NRG1: variants seen among roughly 807,000 people sequenced by gnomAD.
The protein encoded by NRG1 is pro-neuregulin-1, membrane-bound isoform.
NRG1 carries 18 observed loss-of-function variants against 63.8 expected under a neutral mutation model. The observed-to-expected ratio is 0.28, with a 90% confidence interval of 0.19 to 0.42. The LOEUF (loss-of-function observed/expected upper bound fraction) is 0.42, where lower values mean the gene tolerates loss of function less well. Ranked by LOEUF, NRG1 falls within the 10% of genes least tolerant of loss-of-function variation. NRG1 has a pLI of 1.00. For synonymous variants in NRG1, 302 were observed against 301.3 expected, an observed-to-expected ratio of 1.00 and a Z score of -0.02; for missense variants, 762 against 814.7, an observed-to-expected ratio of 0.94 and a Z score of 0.79.
intron 1 of NRG1, among the ~76,000 whole-genome samples, chr8:32,055,809 C>G (rs1452746692): frequency 6.6e-6 from 1 of 152,002 alleles, no homozygotes; most frequent in Non-Finnish European, 1.5e-5. Context: ...GATAGAGCCC[C>G]CTTGGTGGTG....
intron 1 of NRG1, among the ~76,000 whole-genome samples, chr8:31,970,992 C>G (rs370565323): frequency 2.2e-4 from 34 of 151,548 alleles, no homozygotes; most frequent in African/African-American, 8.0e-4. Context: ...TGCAGTGAGC[C>G]GAGATGGCAC....
intron 5 of NRG1, among the ~76,000 whole-genome samples, chr8:32,677,455 G>C (rs1025517774): frequency 1.3e-5 from 2 of 152,048 alleles, no homozygotes; most frequent in Non-Finnish European, 2.9e-5. Flanking sequence ...TCAGGAGTTT[G>C]AGACCAGCCT....
intron 1 of NRG1, among the ~76,000 whole-genome samples, chr8:32,378,666 C>T (rs748060580): frequency 3.8e-4 from 58 of 152,026 alleles, no homozygotes; most frequent in Admixed American, 7.2e-4. Context: ...ATGTGCACAA[C>T]GTGCAGGTTA....
intron 8 of NRG1, 27 bp from the exon 9 acceptor site, chr8:32,756,376 A>C (rs747213441): frequency 6.2e-7 from 1 of 1,600,180 alleles, no homozygotes; most frequent in East Asian, 2.2e-5. Flanking sequence ...ATCAAAAAAA[A>C]ATAAATGCTC....
rs1587986931 is a variant in NRG1, at chr8:32,498,678, A to T, written c.38-97150A>T. 3.9e-5 allele frequency among the ~76,000 whole-genome samples: 6 copies of T among 152,310 alleles called. No homozygotes were observed. The East Asian group carries it at 1.2e-3, about 29-fold the overall frequency. The stretch of plus-strand genomic sequence containing the variant: ...CAAGATGAGATTTGGGTGGGGACAC[A>T]GCCAAACCATATCAGAAGGTAAGGC... On this transcript the variant is annotated intron_variant, in intron 1 of 10. Transcript: ENST00000519301.
chr8:31,793,163 A>G (rs552604757), intron 1 of NRG1, among the ~76,000 whole-genome samples: 8 of 152,254 alleles, frequency 5.3e-5, no homozygotes, highest in East Asian at 1.9e-4. Context: ...TGTTTTTTCA[A>G]AATGTAAGGA....
At chr8:32,009,057 AC>A (rs1428442279) in intron 1 of NRG1, among the ~76,000 whole-genome samples, 3 of 152,022 alleles carry the variant, frequency 2.0e-5, no homozygotes, top group Non-Finnish European at 2.9e-5. Flanking sequence ...AAATATGGTG[AC>A]CTTAGTCACA....
intron 1 of NRG1, among the ~76,000 whole-genome samples, chr8:32,116,910 G>T (rs958131863): frequency 3.3e-5 from 5 of 149,440 alleles, no homozygotes; most frequent in African/African-American, 1.2e-4. Context: ...GAGAAGCCGA[G>T]GTAGGATGAT....
intron 1 of NRG1, among the ~76,000 whole-genome samples, chr8:32,075,962 C>T (rs748188327): frequency 1.1e-4 from 17 of 152,342 alleles, no homozygotes; most frequent in East Asian, 7.7e-4. Flanking sequence ...CATGAACCAC[C>T]GCGCTCGGCC....
intron 1 of NRG1, among the ~76,000 whole-genome samples, chr8:31,955,433 C>T (rs1804205598): frequency 6.6e-6 from 1 of 152,204 alleles, no homozygotes; most frequent in African/African-American, 2.4e-5. Flanking sequence ...GACCAGAAAA[C>T]ATTCTAGAGC....
intron 10 of NRG1, 48 bp from the exon 11 acceptor site, chr8:32,760,152 A>G (rs1435645241): frequency 6.2e-6 from 10 of 1,604,238 alleles, no homozygotes; most frequent in Non-Finnish European, 7.7e-6. Flanking sequence ...TTTTTTGCAT[A>G]TAATTTTTGC....
intron 1 of NRG1, among the ~76,000 whole-genome samples, chr8:32,013,370 T>C (rs554362056): frequency 6.6e-6 from 1 of 152,246 alleles, no homozygotes; most frequent in Admixed American, 6.5e-5. Flanking sequence ...AGCATCAAAG[T>C]GATCCCAGTG....
chr8:31,864,759 T>C (rs1828801225), intron 1 of NRG1, among the ~76,000 whole-genome samples: 1 of 152,178 alleles, frequency 6.6e-6, no homozygotes, highest in Non-Finnish European at 1.5e-5. Context: ...GGAGGTGGCC[T>C]GATAACACAT....
intron 1 of NRG1, among the ~76,000 whole-genome samples, chr8:32,591,828 G>T (rs990714541): frequency 6.6e-6 from 1 of 151,972 alleles, no homozygotes; most frequent in African/African-American, 2.4e-5. Context: ...TTGAAAAACT[G>T]CCAGTTGGGT....
chr8:32,657,392 A>C (rs981549983), intron 5 of NRG1, among the ~76,000 whole-genome samples: 1 of 152,020 alleles, frequency 6.6e-6, no homozygotes, highest in Non-Finnish European at 1.5e-5. Flanking sequence ...ATCTCAGGGC[A>C]CATGGCTCCA....
intron 1 of NRG1, among the ~76,000 whole-genome samples, chr8:31,796,355 C>A (rs1006695769): frequency 3.6e-5 from 5 of 139,528 alleles, no homozygotes; most frequent in African/African-American, 1.1e-4. Context: ...AAAAACAAAG[C>A]GGCGGGGAGT....
rs777809738 is a variant in NRG1, at chr8:32,616,795, A to G, written c.452-40A>G. On this transcript the variant is annotated intron_variant, in intron 4 of 11. Transcript: ENST00000356819. ...TTTCTAATTTATGAGTCCAAGCAGCATGACTCAATAAAGCCTCATTCCACT... is the reference window on the plus strand; with the variant it reads ...TTTCTAATTTATGAGTCCAAGCAGCGTGACTCAATAAAGCCTCATTCCACT... 6 of 1,518,980 alleles carry G rather than the reference A, an allele frequency of 4.0e-6. No individual in the cohort carries two copies. The Admixed American group carries it at 8.4e-5, about 21-fold the overall frequency. The allele number at this position is 1,518,980 out of a possible 1,614,324, so 94.1% of individuals were successfully genotyped here. A position where few individuals can be genotyped will look rare whatever the true frequency, so the allele number is the denominator to read the frequency against.
chr8:31,797,597 A>G (rs1269525510), intron 1 of NRG1, among the ~76,000 whole-genome samples: 4 of 152,248 alleles, frequency 2.6e-5, no homozygotes, highest in Admixed American at 6.5e-5. Context: ...TGATCCAACA[A>G]TTGCACTATT....
chr8:32,029,629 C>A (rs904353070), intron 1 of NRG1: 1 of 152,168 alleles, frequency 6.6e-6, no homozygotes, highest in Non-Finnish European at 1.5e-5. Flanking sequence ...CTAATTTAAG[C>A]TTTCAAATTG....
Sources: gnomAD v4.1 joint callset for allele counts (sites outside exome capture counted in the v4.1 genomes callset) on GRCh38, gnomAD v4.1.1 for gene constraint, MANE v1.5 for transcripts, NCBI Gene and HGNC (gene_info 2026-07-23, HGNC 2026-07-21) for gene names.